Variants in SLC4A10 observed in about 807,000 individuals in gnomAD.
The protein encoded by SLC4A10 is sodium-driven chloride bicarbonate exchanger.
In SLC4A10, 42 loss-of-function variants were observed where a neutral mutation model predicts 137.7. The observed-to-expected ratio is 0.30, with a 90% CI of 0.24 to 0.39. SLC4A10 has a LOEUF of 0.39. Among genes scored for constraint, SLC4A10 ranks in the 10% least tolerant of loss-of-function variants. The probability of loss-of-function intolerance (pLI) is 1.00; values close to 1 mark genes in which losing one functional copy is unlikely to be tolerated. For missense variants in SLC4A10, 925 were observed against 1,355.0 expected (o/e 0.68, Z 4.98); for synonymous variants, 474 against 464.1 (o/e 1.02, Z -0.27).
At chr2:161,863,085 CTT>C (rs1380792646) in intron 6 of SLC4A10, 23 bp downstream of exon 6, 2 of 1,607,278 alleles carry the variant, frequency 1.2e-6, no homozygotes, top group Non-Finnish European at 1.7e-6. Context: ...TTATTGTGCT[CTT>C]TATGTCTACT....
At chr2:161,813,185 A>AT (rs1242865926) in intron 3 of SLC4A10, among the ~76,000 whole-genome samples, 2 of 151,814 alleles carry the variant, frequency 1.3e-5, no homozygotes, top group African/African-American at 4.8e-5. Context: ...GATTTTTAGT[A>AT]TTTTTTATGG....
chr2:161,964,062 A>T (rs1467690172), intron 21 of SLC4A10, 73 bp from the exon 22 acceptor site: 2 of 1,365,654 alleles, frequency 1.5e-6, no homozygotes, highest in Non-Finnish European at 2.0e-6. Context: ...TGTGGACCAT[A>T]TTAAACATCA....
chr2:161,947,254 A>G lies in SLC4A10; in HGVS notation c.2104-312A>G, dbSNP rs527501711. On this transcript the variant is annotated intron_variant, in intron 16 of 26. Coordinates refer to ENST00000446997, the MANE Select transcript of SLC4A10 (RefSeq NM_001178015.2). ...CACTATTACATATGTCATATTTTCA[A>G]TATATCTCGTGTTAGGAACTTAGTA... 3.9e-5 allele frequency among the ~76,000 whole-genome samples: 6 copies of G among 152,284 alleles called. No individual in the cohort carries two copies. The East Asian group carries it at 9.6e-4, about 24-fold the overall frequency.
intron 2 of SLC4A10, among the ~76,000 whole-genome samples, chr2:161,785,080 A>T (rs1177837917): frequency 6.6e-6 from 1 of 151,760 alleles, no homozygotes; most frequent in Non-Finnish European, 1.5e-5. Flanking sequence ...CATAAGTTAA[A>T]AAGTTCATAA....
intron 26 of SLC4A10, among the ~76,000 whole-genome samples, chr2:161,978,716 C>G (rs1004115244): frequency 5.9e-5 from 9 of 152,122 alleles, no homozygotes; most frequent in Admixed American, 2.6e-4. Context: ...CTCTGTGTGT[C>G]TCTCTCTCAA....
rs866227371 is a variant in SLC4A10, at chr2:161,944,272, T to C, written c.2103+1375T>C. Among the ~76,000 whole-genome samples, 15 of 151,990 alleles carry C rather than the reference T, an allele frequency of 9.9e-5. 1 individual carries two copies. The Middle Eastern group carries it at 0.02, about 207-fold the overall frequency. Reference sequence around the variant, plus strand: ...CATTAGTGGGTCTTCTGTCTACACTTTCTTTGGTAAACTATATTATGTTTA... The same window carrying C: ...CATTAGTGGGTCTTCTGTCTACACTCTCTTTGGTAAACTATATTATGTTTA... On this transcript the variant is annotated intron_variant, in intron 16 of 26. Coordinates refer to ENST00000446997, the MANE Select transcript of SLC4A10 (RefSeq NM_001178015.2).
chr2:161,953,368 G>T (rs1695118267), intron 19 of SLC4A10, among the ~76,000 whole-genome samples: 1 of 152,106 alleles, frequency 6.6e-6, no homozygotes, highest in African/African-American at 2.4e-5. Context: ...CCAGCACTTT[G>T]GGAGGCCGAG....
chr2:161,733,544 C>T (rs184947215), intron 1 of SLC4A10, among the ~76,000 whole-genome samples: 303 of 152,320 alleles, frequency 2.0e-3, no homozygotes, highest in South Asian at 3.7e-3. Flanking sequence ...TCATGGAGTA[C>T]CTTTGCTAGG....
chr2:161,823,193 C>T (rs2125699937), intron 3 of SLC4A10, among the ~76,000 whole-genome samples: 1 of 152,250 alleles, frequency 6.6e-6, no homozygotes, highest in South Asian at 2.1e-4. Context: ...GCCTTATGTA[C>T]ACAAACACTT....
intron 15 of SLC4A10, among the ~76,000 whole-genome samples, chr2:161,914,252 T>C (rs1686558161): frequency 6.6e-6 from 1 of 152,310 alleles, no homozygotes; most frequent in African/African-American, 2.4e-5. Flanking sequence ...TGAAGAAGTA[T>C]AAATACAACT....
chr2:161,684,946 G>T lies in SLC4A10; in HGVS notation c.48+60380G>T, dbSNP rs143186276. Among the ~76,000 whole-genome samples, 247 of 152,242 alleles carry T rather than the reference G, an allele frequency of 1.6e-3. 2 individuals carry two copies. The highest frequency in any genetic ancestry group is 5.7e-3 in the African/African-American group (238 of 41,534). On this transcript the variant is annotated intron_variant, in intron 1 of 26. Coordinates refer to ENST00000446997, the MANE Select transcript of SLC4A10 (RefSeq NM_001178015.2). ...GAGGTTCAAAAAGAGGCTGGTTAGG[G>T]GGTCAGATGATGTGTGCATATTAAG...
At chr2:161,716,183 T>C (rs1240478710) in intron 1 of SLC4A10, among the ~76,000 whole-genome samples, 1 of 151,700 alleles carries the variant, frequency 6.6e-6, no homozygotes, top group African/African-American at 2.4e-5. Flanking sequence ...GATGGGTTTT[T>C]TTTTTTTCTT....
intron 15 of SLC4A10, among the ~76,000 whole-genome samples, chr2:161,925,901 A>G (rs1688979953): frequency 6.6e-6 from 1 of 152,116 alleles, no homozygotes; most frequent in Admixed American, 6.5e-5. Context: ...GTTTGATTGC[A>G]CTGTGGTCTG....
intron 23 of SLC4A10, among the ~76,000 whole-genome samples, chr2:161,968,368 C>T (rs188106530): frequency 2.2e-4 from 33 of 152,160 alleles, no homozygotes; most frequent in Admixed American, 2.0e-3. Context: ...ATATTATATA[C>T]CCACTGTACT....
intron 1 of SLC4A10, among the ~76,000 whole-genome samples, chr2:161,648,552 A>G (rs1309330912): frequency 2.6e-5 from 4 of 152,220 alleles, no homozygotes; most frequent in Non-Finnish European, 4.4e-5. Context: ...AACAATTCAT[A>G]TAATTTAGTT....
chr2:161,860,332 C>T (rs1287763851), intron 5 of SLC4A10, among the ~76,000 whole-genome samples: 11 of 151,858 alleles, frequency 7.2e-5, no homozygotes, highest in Middle Eastern at 3.4e-3. Context: ...TTTTAGTGTT[C>T]GAGCCTGGAA....
chr2:161,827,788 ATC>A (rs1246160183), intron 3 of SLC4A10, among the ~76,000 whole-genome samples: 1 of 152,106 alleles, frequency 6.6e-6, no homozygotes, highest in South Asian at 2.1e-4. Context: ...GATGGTCTCG[ATC>A]TCCTGACCTC....
chr2:161,636,252 C>T (rs1414259680), intron 1 of SLC4A10, among the ~76,000 whole-genome samples: 2 of 152,056 alleles, frequency 1.3e-5, no homozygotes, highest in African/African-American at 4.8e-5. Flanking sequence ...ATTTGTCCTT[C>T]TGTGCTAGAC....
intron 1 of SLC4A10, among the ~76,000 whole-genome samples, chr2:161,683,720 A>T (rs1285869613): frequency 1.3e-5 from 2 of 152,224 alleles, no homozygotes; most frequent in African/African-American, 4.8e-5. Context: ...TATTTGACTT[A>T]TAAGTTATAA....
Sources: gnomAD v4.1 joint callset for allele counts (sites outside exome capture counted in the v4.1 genomes callset) on GRCh38, gnomAD v4.1.1 for gene constraint, MANE v1.5 for transcripts, NCBI Gene and HGNC (gene_info 2026-07-23, HGNC 2026-07-21) for gene names.